The following ADARB1 variants were observed in gnomAD, a reference collection of about 807,000 sequenced individuals.
ADARB1 encodes double-stranded RNA-specific editase 1.
In ADARB1, 10 loss-of-function variants were observed where a neutral mutation model predicts 52.4. The observed-to-expected ratio is 0.19, with a 90% CI of 0.12 to 0.32. The LOEUF is 0.32. ADARB1 is among the 10% of genes least tolerant of loss of function. The probability of loss-of-function intolerance (pLI) is 1.00; values close to 1 mark genes in which losing one functional copy is unlikely to be tolerated. For missense variants in ADARB1, 643 were observed against 922.3 expected (o/e 0.70, Z 3.92); for synonymous variants, 349 against 371.1 (o/e 0.94, Z 0.68).
At position 45,112,328 on chromosome 21, in the gene ADARB1, C is replaced by T. The variant is rs78097098; in HGVS notation, c.-219-16074C>T. Among the ~76,000 whole-genome samples the T allele has an allele frequency of 6.3e-3, 961 of 152,192 alleles. 4 individuals are homozygous for T. Among genetic ancestry groups the T allele is most frequent in the East Asian group, 0.032 (166 of 5,186 alleles). On this transcript the variant is annotated intron_variant, in intron 1 of 10. Transcript: ENST00000348831. ...CTTTTCTGGAATTGCCTTTTTTATT[C>T]GGTGTAAAGAGGCACAGGGACTTCA...
chr21:45,174,415 A>G (rs1214718858), intron 3 of ADARB1, among the ~76,000 whole-genome samples: 2 of 152,112 alleles, frequency 1.3e-5, no homozygotes, highest in Admixed American at 6.5e-5. Context: ...TAAAATAAAA[A>G]ATTAGGGCTG....
chr21:45,212,027 A>G (rs963724953), intron 9 of ADARB1, among the ~76,000 whole-genome samples: 3 of 150,508 alleles, frequency 2.0e-5, no homozygotes, highest in Non-Finnish European at 3.0e-5. Flanking sequence ...CTTAAAATAT[A>G]AAAAATATTT....
chr21:45,102,314 A>C (rs2087054813), intron 1 of ADARB1, among the ~76,000 whole-genome samples: 1 of 152,234 alleles, frequency 6.6e-6, no homozygotes, highest in East Asian at 1.9e-4. Context: ...TTACGCAGGC[A>C]GTTCAATGGG....
At chr21:45,133,550 T>C (rs2089088104) in intron 2 of ADARB1, 3 of 175,074 alleles carry the variant, frequency 1.7e-5, no homozygotes, top group Non-Finnish European at 2.4e-5. Context: ...TATCCCATCA[T>C]GTTCACAGTT....
At chr21:45,173,165 G>A (rs955169375) in intron 3 of ADARB1, among the ~76,000 whole-genome samples, 1 of 152,236 alleles carries the variant, frequency 6.6e-6, no homozygotes, top group Non-Finnish European at 1.5e-5. Flanking sequence ...CACTTGACAT[G>A]ATAAAGAATC....
At chr21:45,195,525 T>G (rs2092405234) in intron 8 of ADARB1, among the ~76,000 whole-genome samples, 1 of 152,164 alleles carries the variant, frequency 6.6e-6, no homozygotes, top group African/African-American at 2.4e-5. Context: ...TTCTAGGAAT[T>G]TTATAGTTTT....
chr21:45,184,614 C>G (rs543022284), intron 7 of ADARB1: 1 of 320,770 alleles, frequency 3.1e-6, no homozygotes, highest in East Asian at 8.7e-5. Context: ...CTATACCTGG[C>G]TAATTTTTAT....
At position 45,175,805 on chromosome 21, in the gene ADARB1, C is replaced by T. The variant is rs1268745859; in HGVS notation, c.104C>T (p.Pro35Leu). 1.2e-6 allele frequency: 2 copies of T among 1,614,072 alleles called. No individual in the cohort carries two copies. The highest frequency in any genetic ancestry group is 2.7e-5 in the African/African-American group (2 of 74,942). The change falls in exon 4 of 11, where the codon CCT becomes CTT. Residue 35 changes from proline (P) to leucine (L), a missense_variant. Pro to Leu is a moderately conservative substitution (Grantham distance 98, BLOSUM62 -3). Coordinates refer to ENST00000348831, the MANE Select transcript of ADARB1 (RefSeq NM_001112.4). ...CCCAAGGATGGCAGCACACCTGGGCCTGGCGAGGGCTCTCAGCTCTCCAAT... is the reference window on the plus strand; with the variant it reads ...CCCAAGGATGGCAGCACACCTGGGCTTGGCGAGGGCTCTCAGCTCTCCAAT... ...VSPKDGSTPG[P>L]GEGSQLSNGG...
intron 8 of ADARB1, among the ~76,000 whole-genome samples, chr21:45,192,185 C>A (rs1388195927): frequency 6.6e-6 from 1 of 151,902 alleles, no homozygotes; most frequent in Non-Finnish European, 1.5e-5. Flanking sequence ...AAAGAGTCAG[C>A]TAATGCAGTC....
At chr21:45,162,947 C>T (rs1241638849) in intron 2 of ADARB1, among the ~76,000 whole-genome samples, 6 of 152,144 alleles carry the variant, frequency 3.9e-5, no homozygotes, top group African/African-American at 7.2e-5. Context: ...AGACCCAGGT[C>T]GGAGAGCTCG....
Position 45,225,778 on chromosome 21 carries a change from A to T in ADARB1, c.*3581A>T. 2.5e-6 allele frequency: 1 copy of T among 398,954 alleles called. No individual in the cohort carries two copies. Among genetic ancestry groups the T allele is most frequent in the Non-Finnish European group, 4.4e-6 (1 of 227,576 alleles). 24.7% of individuals were successfully genotyped at this position (398,954 alleles called of 1,614,324 possible). A position where few individuals can be genotyped will look rare whatever the true frequency, so the allele number is the denominator to read the frequency against. On this transcript the variant is annotated 3_prime_UTR_variant, in exon 11 of 11. Coordinates refer to ENST00000348831, the MANE Select transcript of ADARB1 (RefSeq NM_001112.4). Reference sequence around the variant, plus strand: ...ACCTCTAAATTCTGTAAAATTATAGACTTGCTCAAAAGATTCCTTTTTATC... The same window carrying T: ...ACCTCTAAATTCTGTAAAATTATAGTCTTGCTCAAAAGATTCCTTTTTATC...
intron 9 of ADARB1, among the ~76,000 whole-genome samples, chr21:45,214,235 A>T (rs1247262060): frequency 6.6e-6 from 1 of 152,198 alleles, no homozygotes; most frequent in Non-Finnish European, 1.5e-5. Context: ...GTTGTTTAAC[A>T]TCTTATTACT....
At chr21:45,193,737 C>T (rs1017696535) in intron 8 of ADARB1, among the ~76,000 whole-genome samples, 3 of 152,164 alleles carry the variant, frequency 2.0e-5, no homozygotes, top group African/African-American at 7.2e-5. Flanking sequence ...ATATTTTTTA[C>T]ACCTGCAACA....
intron 8 of ADARB1, among the ~76,000 whole-genome samples, chr21:45,199,857 C>T (rs1175996446): frequency 1.3e-5 from 2 of 152,196 alleles, no homozygotes; most frequent in Non-Finnish European, 2.9e-5. Flanking sequence ...TTGGAGGATC[C>T]TTGCTGGGGC....
rs1262157060 is a variant in ADARB1, at chr21:45,142,748, C to T, written c.-48+14175C>T. On this transcript the variant is annotated intron_variant, in intron 2 of 10. Transcript: ENST00000348831. This position sits in a 1 kb window ranked among gnomAD's most constrained non-coding sequence, Gnocchi z 4.0. ...CCTAAGCGGCGTCCTTGCTTGGTCC[C>T]CCCATGAACTCAGGGGTGTGGCCTG... Among the ~76,000 whole-genome samples, 1 of 152,182 alleles carries T rather than the reference C, an allele frequency of 6.6e-6. No homozygotes were observed. Among genetic ancestry groups the T allele is most frequent in the Non-Finnish European group, 1.5e-5 (1 of 68,030 alleles).
intron 8 of ADARB1, among the ~76,000 whole-genome samples, chr21:45,193,190 C>T (rs897033469): frequency 6.6e-6 from 1 of 152,152 alleles, no homozygotes; most frequent in Admixed American, 6.5e-5. Flanking sequence ...AAAGTTCTAG[C>T]AAAACTTTAG....
rs1427266691 is a variant in ADARB1, at chr21:45,176,695, G to A, written c.963+31G>A. The stretch of plus-strand genomic sequence containing the variant: ...GAACTATGCTGCTGCTTTAAAACAC[G>A]GGGTCATTGCTCTTGGTAATGCTTC... On this transcript the variant is annotated intron_variant, in intron 4 of 10. Transcript: ENST00000348831. The surrounding 1 kb of genome is among the most constrained non-coding windows in gnomAD (Gnocchi z 5.8). 8.4e-6 allele frequency: 13 copies of A among 1,555,880 alleles called. No homozygotes were observed. Among genetic ancestry groups the A allele is most frequent in the African/African-American group, 2.7e-5 (2 of 72,880 alleles).
chr21:45,105,368 C>T (rs1179354233), intron 1 of ADARB1, among the ~76,000 whole-genome samples: 1 of 152,148 alleles, frequency 6.6e-6, no homozygotes, highest in Non-Finnish European at 1.5e-5. Context: ...TCTTAAAGTG[C>T]TGGGATTATA....
At chr21:45,164,752 G>T (rs1456065758) in intron 2 of ADARB1, among the ~76,000 whole-genome samples, 2 of 152,206 alleles carry the variant, frequency 1.3e-5, no homozygotes, top group African/African-American at 2.4e-5. Flanking sequence ...CCTGGCTGCT[G>T]CGAGGAGAGG....
Sources: gnomAD v4.1 joint callset for allele counts (sites outside exome capture counted in the v4.1 genomes callset) on GRCh38, gnomAD v4.1.1 for gene constraint, Gnocchi (gnomAD v3.1) non-coding constraint, MANE v1.5 for transcripts, NCBI Gene and HGNC (gene_info 2026-07-23, HGNC 2026-07-21) for gene names.